Variants in PCSK6 observed in about 807,000 individuals in gnomAD.
PCSK6 encodes the protein proprotein convertase subtilisin/kexin type 6.
In PCSK6, 85 loss-of-function variants were observed where a neutral mutation model predicts 123.3. The observed-to-expected ratio is 0.69, with a 90% confidence interval of 0.58 to 0.83. The LOEUF (loss-of-function observed/expected upper bound fraction) is 0.83, where lower values mean the gene tolerates loss of function less well. Ranked by LOEUF, PCSK6 falls within the 40% of genes least tolerant of loss-of-function variation. The pLI is 0.00. For missense variants in PCSK6, 1,191 were observed against 1,282.3 expected, an observed-to-expected ratio of 0.93 and a Z score of 1.09; for synonymous variants, 508 against 516.0, an observed-to-expected ratio of 0.98 and a Z score of 0.21.
At chr15:101,487,408 C>G (rs2058044937) in intron 1 of PCSK6, among the ~76,000 whole-genome samples, 1 of 152,244 alleles carries the variant, frequency 6.6e-6, no homozygotes, top group South Asian at 2.1e-4. Flanking sequence ...GGCGAATCTT[C>G]TCTCCCATCC....
chr15:101,458,750 T>A (rs1242416955), intron 1 of PCSK6, among the ~76,000 whole-genome samples: 1 of 152,182 alleles, frequency 6.6e-6, no homozygotes, highest in African/African-American at 2.4e-5. Context: ...ACTCTGTCAA[T>A]CATTCACGCT....
At chr15:101,392,889 G>A (rs967165129) in intron 8 of PCSK6, among the ~76,000 whole-genome samples, 2 of 152,126 alleles carry the variant, frequency 1.3e-5, no homozygotes, top group African/African-American at 4.8e-5. Flanking sequence ...CAAGACATGT[G>A]ACCACAGAAT....
At chr15:101,472,119 A>G (rs1170641797) in intron 1 of PCSK6, among the ~76,000 whole-genome samples, 1 of 152,208 alleles carries the variant, frequency 6.6e-6, no homozygotes, top group Non-Finnish European at 1.5e-5. Flanking sequence ...ATTGCTGAGA[A>G]CCCAGCAAGG....
intron 1 of PCSK6, among the ~76,000 whole-genome samples, chr15:101,445,927 C>G (rs1424581652): frequency 6.6e-6 from 1 of 152,244 alleles, no homozygotes; most frequent in Non-Finnish European, 1.5e-5. Flanking sequence ...CCACCTTTCC[C>G]CTCAAAGGCC....
intron 13 of PCSK6, among the ~76,000 whole-genome samples, chr15:101,349,290 C>T (rs1448896850): frequency 2.6e-5 from 4 of 152,198 alleles, no homozygotes; most frequent in African/African-American, 4.8e-5. Context: ...GTTTGTTTTT[C>T]TCGGGAAAAG....
intron 1 of PCSK6, among the ~76,000 whole-genome samples, chr15:101,467,745 G>C (rs183171312): frequency 2.0e-5 from 3 of 152,048 alleles, no homozygotes; most frequent in East Asian, 3.9e-4. Flanking sequence ...ATGTTAAACT[G>C]GGGGGAGAAA....
chr15:101,436,820 C>T (rs1042810526), intron 2 of PCSK6, among the ~76,000 whole-genome samples: 9 of 152,194 alleles, frequency 5.9e-5, no homozygotes, highest in Non-Finnish European at 1.3e-4. Flanking sequence ...CAACATCCAA[C>T]CAGCTAAAGA....
chr15:101,357,877 C>A (rs1567162472), intron 13 of PCSK6, among the ~76,000 whole-genome samples: 1 of 152,184 alleles, frequency 6.6e-6, no homozygotes, highest in African/African-American at 2.4e-5. Flanking sequence ...CCACTGCAGG[C>A]CCCCATCCAC....
intron 2 of PCSK6, among the ~76,000 whole-genome samples, chr15:101,432,910 A>C (rs937384925): frequency 3.0e-4 from 46 of 152,382 alleles, no homozygotes; most frequent in African/African-American, 1.1e-3. Context: ...CAAAACATGC[A>C]CAGAGAAAAA....
Position 101,305,812 on chromosome 15 carries a change from A to C in PCSK6, c.2813-457T>G, listed in dbSNP as rs958091665. The C allele has an allele frequency of 6.4e-6, 1 of 156,956 alleles. No homozygotes were observed. Among genetic ancestry groups the C allele is most frequent in the African/African-American group, 2.4e-5 (1 of 41,522 alleles). The allele number at this position is 156,956 out of a possible 1,614,324, so 9.7% of individuals were successfully genotyped here. A position where few individuals can be genotyped will look rare whatever the true frequency, so the allele number is the denominator to read the frequency against. On this transcript the variant is annotated intron_variant, in intron 21 of 21. Transcript: ENST00000611716. This position sits in a 1 kb window ranked among gnomAD's most constrained non-coding sequence, Gnocchi z 4.8. Reference sequence around the variant, plus strand: ...AAGAGGGACACAGACAGAGGTGGGCAGCAGGATGGCAGCCCTTGAAGCCCC... The same window carrying C: ...AAGAGGGACACAGACAGAGGTGGGCCGCAGGATGGCAGCCCTTGAAGCCCC...
rs747570097 is a variant in PCSK6 at position 101,393,302 on chromosome 15, G to A, written c.1119C>T (p.Thr373=). Residue 373 remains threonine (T), a synonymous_variant, in exon 8 of 22, where the codon ACC becomes ACT. Coordinates refer to ENST00000611716, the MANE Select transcript of PCSK6 (RefSeq NM_002570.5). ...SIYTISVSSA[T]ENGYKPWYLE... Reference sequence around the variant, plus strand: ...GGTACCAGGGCTTGTAGCCATTCTCGGTGGCGCTGCTGACGGAGATGGTGT... The same window carrying A: ...GGTACCAGGGCTTGTAGCCATTCTCAGTGGCGCTGCTGACGGAGATGGTGT... The A allele has an allele frequency of 4.3e-6, 7 of 1,612,390 alleles. No individual in the cohort carries two copies. The Admixed American group carries it at 5.0e-5, about 12-fold the overall frequency.
At chr15:101,341,311 C>T (rs1326239535) in intron 13 of PCSK6, among the ~76,000 whole-genome samples, 2 of 147,014 alleles carry the variant, frequency 1.4e-5, no homozygotes, top group African/African-American at 5.1e-5. Flanking sequence ...TGCAGTGGTG[C>T]AATCTCGGCT....
At chr15:101,469,651 C>T (rs927213847) in intron 1 of PCSK6, among the ~76,000 whole-genome samples, 4 of 152,110 alleles carry the variant, frequency 2.6e-5, no homozygotes, top group African/African-American at 4.8e-5. Flanking sequence ...CTGAATGGAG[C>T]GGCTAGAGCC....
rs192712654 is a variant in PCSK6 at position 101,401,649 on chromosome 15, T to C, written c.824-3073A>G. Among the ~76,000 whole-genome samples, 454 of 152,290 alleles carry C rather than the reference T, an allele frequency of 3.0e-3. 6 individuals are homozygous for C. Among genetic ancestry groups the C allele is most frequent in the Admixed American group, 0.022 (332 of 15,298 alleles). On this transcript the variant is annotated intron_variant, in intron 6 of 21. Coordinates refer to ENST00000611716, the MANE Select transcript of PCSK6 (RefSeq NM_002570.5). Reference sequence around the variant, plus strand: ...CCCGTCTCGCTGAGCCTCAGTCTTCTGCACACTGCAATGATGACACTTATC... The same window carrying C: ...CCCGTCTCGCTGAGCCTCAGTCTTCCGCACACTGCAATGATGACACTTATC...
Position 101,436,986 on chromosome 15 carries a change from T to G in PCSK6, c.403-4886A>C, listed in dbSNP as rs150218332. On this transcript the variant is annotated intron_variant, in intron 2 of 21. Coordinates refer to ENST00000611716, the MANE Select transcript of PCSK6 (RefSeq NM_002570.5). ...AGCCATCTTGCCCTGGATCCCACAG[T>G]CCCTCAAGGAGTGGAAGGACAGGCT... 1.5e-3 allele frequency among the ~76,000 whole-genome samples: 225 copies of G among 152,252 alleles called. 2 individuals are homozygous for G. Among genetic ancestry groups the G allele is most frequent in the African/African-American group, 5.0e-3 (209 of 41,546 alleles).
At chr15:101,437,589 T>C (rs925347411) in intron 2 of PCSK6, among the ~76,000 whole-genome samples, 1 of 152,188 alleles carries the variant, frequency 6.6e-6, no homozygotes, top group Non-Finnish European at 1.5e-5. Context: ...ATTCTTTCCA[T>C]TGAAGTTAAA....
At position 101,363,681 on chromosome 15, in the gene PCSK6, G is replaced by C. The variant is rs139000078; in HGVS notation, c.1858+2515C>G. Among the ~76,000 whole-genome samples the C allele has an allele frequency of 5.2e-3, 783 of 151,974 alleles. 7 individuals carry two copies. The highest frequency in any genetic ancestry group is 0.018 in the African/African-American group (749 of 41,424). Reference sequence around the variant, plus strand: ...GTCTCGCTCTGTCACCCAGGCTGGAGTGCAGTGGTGCGATCTCGGCTCACT... The same window carrying C: ...GTCTCGCTCTGTCACCCAGGCTGGACTGCAGTGGTGCGATCTCGGCTCACT... On this transcript the variant is annotated intron_variant, in intron 13 of 21. Transcript: ENST00000611716.
At chr15:101,322,775 T>C in intron 17 of PCSK6, among the ~76,000 whole-genome samples, 168 bp from the exon 18 acceptor site, 1 of 152,148 alleles carries the variant, frequency 6.6e-6, no homozygotes, top group Non-Finnish European at 1.5e-5. Flanking sequence ...TTGTACCTGG[T>C]GTGGGGTCAC....
intron 1 of PCSK6, among the ~76,000 whole-genome samples, chr15:101,464,468 C>A (rs904259875): frequency 6.6e-6 from 1 of 152,162 alleles, no homozygotes; most frequent in Non-Finnish European, 1.5e-5. Context: ...TAATAAAAAC[C>A]AATCGCTGAT....
Sources: allele counts gnomAD v4.1 joint callset (sites outside exome capture counted in the v4.1 genomes callset), GRCh38; gene constraint gnomAD v4.1.1; non-coding constraint Gnocchi (gnomAD v3.1); transcripts MANE v1.5; gene names NCBI Gene and HGNC (gene_info 2026-07-23, HGNC 2026-07-21).